SLC7A1: variants seen among roughly 807,000 people sequenced by gnomAD.
SLC7A1 encodes solute carrier family 7 member 1, also known as high affinity cationic amino acid transporter 1.
In SLC7A1, 10 loss-of-function variants were observed where a neutral mutation model predicts 53.9. That is an observed-to-expected ratio of 0.19 (90% CI 0.11 to 0.31). SLC7A1 has a LOEUF of 0.31. SLC7A1 is among the 10% of genes least tolerant of loss of function. The pLI, the probability that SLC7A1 is intolerant of heterozygous loss-of-function variation, is 1.00. For synonymous variants in SLC7A1, 342 were observed against 338.7 expected (o/e 1.01, Z -0.11); for missense variants, 525 against 827.2 (o/e 0.63, Z 4.48).
At chr13:29,525,138 G>T (rs1226643951) in intron 5 of SLC7A1, among the ~76,000 whole-genome samples, 2 of 152,202 alleles carry the variant, frequency 1.3e-5, no homozygotes, top group Non-Finnish European at 2.9e-5. Flanking sequence ...ACTGTCCCCT[G>T]GTCAGGAGGC....
At chr13:29,574,140 T>C (rs970514083) in intron 1 of SLC7A1, among the ~76,000 whole-genome samples, 2 of 152,106 alleles carry the variant, frequency 1.3e-5, no homozygotes, top group Non-Finnish European at 1.5e-5. Context: ...AGAGAGGAAA[T>C]TGAAATTGTG....
At position 29,514,423 on chromosome 13, in the gene SLC7A1, G is replaced by T; in HGVS notation, c.*57C>A. ...TGGTGGGGAGGGTGGGGTGCCTCCC[G>T]GTCCTCTGGGGGCGTCCCTCGGGGC... On this transcript the variant is annotated 3_prime_UTR_variant, in exon 13 of 13. Coordinates refer to ENST00000380752, the MANE Select transcript of SLC7A1 (RefSeq NM_003045.5). 3 of 1,338,538 alleles carry T rather than the reference G, an allele frequency of 2.2e-6. No homozygotes were observed. The highest frequency in any genetic ancestry group is 2.1e-6 in the Non-Finnish European group (2 of 947,094). 82.9% of individuals were successfully genotyped at this position (1,338,538 alleles called of 1,614,324 possible). A position where few individuals can be genotyped will look rare whatever the true frequency, so the allele number is the denominator to read the frequency against.
At chr13:29,581,909 A>C (rs1871663599) in intron 1 of SLC7A1, among the ~76,000 whole-genome samples, 1 of 152,178 alleles carries the variant, frequency 6.6e-6, no homozygotes, top group South Asian at 2.1e-4. Flanking sequence ...ATACCAACAC[A>C]TTTATGTGCA....
chr13:29,584,626 A>T (rs1176978435), intron 1 of SLC7A1, among the ~76,000 whole-genome samples: 1 of 152,172 alleles, frequency 6.6e-6, no homozygotes, highest in East Asian at 1.9e-4. Flanking sequence ...TAGTTCTGTT[A>T]TGTCATTGTA....
intron 8 of SLC7A1, among the ~76,000 whole-genome samples, chr13:29,521,450 C>T (rs1188602379): frequency 2.6e-5 from 4 of 152,224 alleles, no homozygotes. Context: ...GGCATAAAAA[C>T]AACCCTGGAA....
At chr13:29,564,121 A>G (rs1870874367) in intron 1 of SLC7A1, among the ~76,000 whole-genome samples, 1 of 152,178 alleles carries the variant, frequency 6.6e-6, no homozygotes, top group Non-Finnish European at 1.5e-5. Flanking sequence ...GGGCTGGAGG[A>G]AGGGGTGGTC....
intron 1 of SLC7A1, among the ~76,000 whole-genome samples, chr13:29,582,949 T>C (rs1871711479): frequency 6.6e-6 from 1 of 152,264 alleles, no homozygotes. Context: ...ACAGTCATAA[T>C]GAACAGGACT....
At chr13:29,524,997 T>C (rs1868818103) in intron 5 of SLC7A1, among the ~76,000 whole-genome samples, 1 of 152,224 alleles carries the variant, frequency 6.6e-6, no homozygotes, top group African/African-American at 2.4e-5. Flanking sequence ...TGTGGCGCTA[T>C]GGCCCCTCCC....
chr13:29,519,366 A>T, intron 9 of SLC7A1, 81 bp downstream of exon 9: 1 of 819,320 alleles, frequency 1.2e-6, no homozygotes, highest in Non-Finnish European at 2.0e-6. Flanking sequence ...TTCATTCATC[A>T]CATAAACCAT....
At chr13:29,568,031 A>G (rs1871043326) in intron 1 of SLC7A1, among the ~76,000 whole-genome samples, 1 of 152,180 alleles carries the variant, frequency 6.6e-6, no homozygotes, top group South Asian at 2.1e-4. Context: ...CCTGCCAGTC[A>G]GGACTCCATC....
rs1421689586 is a variant in SLC7A1, at chr13:29,510,417, A to G, written c.*4063T>C. The G allele has an allele frequency of 6.6e-6, 1 of 152,550 alleles. No individual in the cohort carries two copies. Among genetic ancestry groups the G allele is most frequent in the Non-Finnish European group, 1.5e-5 (1 of 68,042 alleles). 9.4% of individuals were successfully genotyped at this position (152,550 alleles called of 1,614,324 possible). On this transcript the variant is annotated 3_prime_UTR_variant, in exon 13 of 13. Transcript: ENST00000380752. ...AACAGTAATCAATTTCATGACTCGG[A>G]TAAGGTCCCCAGGAGCCTGGCAGAA...
At chr13:29,578,560 C>A (rs1331592749) in intron 1 of SLC7A1, among the ~76,000 whole-genome samples, 1 of 152,182 alleles carries the variant, frequency 6.6e-6, no homozygotes, top group African/African-American at 2.4e-5. Context: ...CTGCCCAGAG[C>A]CCAGCCGTGG....
intron 1 of SLC7A1, among the ~76,000 whole-genome samples, chr13:29,564,889 C>T (rs1331551621): frequency 6.6e-6 from 1 of 152,224 alleles, no homozygotes; most frequent in Non-Finnish European, 1.5e-5. Context: ...GAATAAATGA[C>T]ATGCTTCCAG....
chr13:29,591,642 T>C (rs1367016490), intron 1 of SLC7A1, among the ~76,000 whole-genome samples: 1 of 151,924 alleles, frequency 6.6e-6, no homozygotes, highest in Non-Finnish European at 1.5e-5. Flanking sequence ...AGCACTGCAG[T>C]AGGAATATGG....
intron 1 of SLC7A1, among the ~76,000 whole-genome samples, chr13:29,594,676 C>A (rs938174432): frequency 1.3e-5 from 2 of 152,242 alleles, no homozygotes; most frequent in African/African-American, 4.8e-5. Context: ...ATGTGGAGGG[C>A]TTGAGGAACC....
chr13:29,582,773 A>T (rs579451), intron 1 of SLC7A1, among the ~76,000 whole-genome samples: 106,622 of 152,052 alleles, frequency 0.7, 39,643 homozygotes, highest in Non-Finnish European at 0.85. Flanking sequence ...TACCCACAGT[A>T]TGACCTTAGG....
At chr13:29,532,647 A>C (rs748104125) in intron 4 of SLC7A1, among the ~76,000 whole-genome samples, 177 bp downstream of exon 4, 1 of 152,258 alleles carries the variant, frequency 6.6e-6, no homozygotes, top group South Asian at 2.1e-4. Flanking sequence ...ATCTGAATCT[A>C]TAAGAAGCAA....
In SLC7A1 at chr13:29,514,593, G is replaced by A. The variant is rs199945656; in HGVS notation, c.1787-10C>T. The A allele has an allele frequency of 8.3e-5, 133 of 1,594,416 alleles. No individual in the cohort carries two copies. In the East Asian group the frequency reaches 1.5e-3, roughly 18 times the overall value. ...AAGTAGATGATGAAGCCTGCGGGCCGACAGCAGAGACGGGCGTGAACAGAC... is the reference window on the plus strand; with the variant it reads ...AAGTAGATGATGAAGCCTGCGGGCCAACAGCAGAGACGGGCGTGAACAGAC... On this transcript the variant is annotated splice_polypyrimidine_tract_variant and intron_variant, in intron 12 of 12. Transcript: ENST00000380752.
chr13:29,567,309 T>A (rs1289732243), intron 1 of SLC7A1, among the ~76,000 whole-genome samples: 1 of 152,192 alleles, frequency 6.6e-6, no homozygotes, highest in African/African-American at 2.4e-5. Context: ...CCTCTCACTC[T>A]GTGGATACCT....
Sources: allele counts gnomAD v4.1 joint callset (sites outside exome capture counted in the v4.1 genomes callset), GRCh38; gene constraint gnomAD v4.1.1; transcripts MANE v1.5; gene names NCBI Gene and HGNC (gene_info 2026-07-23, HGNC 2026-07-21).